The following PASD1 variants were observed in gnomAD, a reference collection of about 807,000 sequenced individuals.
PASD1 encodes the protein circadian clock protein PASD1.
A neutral mutation model predicts 58.8 loss-of-function variants in PASD1; 13 were observed. The ratio of observed to expected loss-of-function variants is 0.22; its 90% CI spans 0.14 to 0.35. The LOEUF is 0.35. Among genes scored for constraint, PASD1 ranks in the 10% least tolerant of loss-of-function variants. The pLI, the probability that PASD1 is intolerant of heterozygous loss-of-function variation, is 1.00. For missense variants in PASD1, 734 were observed against 568.3 expected (o/e 1.29, Z -2.96); for synonymous variants, 236 against 216.7 (o/e 1.09, Z -0.78).
intron 4 of PASD1, among the ~76,000 whole-genome samples, chrX:151,619,901 T>C (rs977654461): frequency 2.7e-5 from 3 of 111,649 alleles, no homozygotes; most frequent in African/African-American, 9.8e-5. Flanking sequence ...AGGTTATGCA[T>C]GTTTCGAATT....
chrX:151,573,639 G>C (rs1277030892), intron 1 of PASD1, among the ~76,000 whole-genome samples: 1 of 112,602 alleles, frequency 8.9e-6, no homozygotes, highest in Non-Finnish European at 1.9e-5. Flanking sequence ...AGATGCTTTG[G>C]GGGAAGTGCT....
At chrX:151,573,229 C>T (rs1375455128) in intron 1 of PASD1, among the ~76,000 whole-genome samples, 1 of 110,126 alleles carries the variant, frequency 9.1e-6, no homozygotes, top group East Asian at 2.9e-4. Context: ...CCAGTCACCT[C>T]CTACCAGGCC....
chrX:151,623,436 T>C (rs2013743761), intron 7 of PASD1, among the ~76,000 whole-genome samples: 1 of 111,871 alleles, frequency 8.9e-6, no homozygotes, highest in African/African-American at 3.3e-5. Flanking sequence ...CACAACCCCA[T>C]TGGGTAGCTG....
intron 8 of PASD1, among the ~76,000 whole-genome samples, chrX:151,634,986 G>A (rs987558185): frequency 5.4e-5 from 6 of 111,548 alleles, no homozygotes; most frequent in Non-Finnish European, 1.1e-4. Flanking sequence ...TTTATTGGTT[G>A]GCATTTTGGT....
rs1167547160 is a variant in PASD1, at chrX:151,635,553, A to G, written c.629+10023A>G. Reference sequence around the variant, plus strand: ...TTTGCAACACTCTTTTCCAATAGTCACAAAGGCCTGGCCCCACTGTCCTCA... The same window carrying G: ...TTTGCAACACTCTTTTCCAATAGTCGCAAAGGCCTGGCCCCACTGTCCTCA... On this transcript the variant is annotated intron_variant, in intron 8 of 15. Transcript: ENST00000370357. Among the ~76,000 whole-genome samples the G allele has an allele frequency of 5.3e-5, 6 of 112,223 alleles. No homozygotes were observed. In the Admixed American group the frequency reaches 5.7e-4, roughly 11 times the overall value.
chrX:151,657,852 T>A lies in PASD1; in HGVS notation c.718-1861T>A, dbSNP rs772352887. On this transcript the variant is annotated intron_variant, in intron 9 of 15. Transcript: ENST00000370357. ...TTTTTTTGGAGGGTTTTTTTTTTTT[T>A]AAATTCTGCTCTATTTTATGTAGCA... 2.8e-4 allele frequency among the ~76,000 whole-genome samples: 25 copies of A among 90,215 alleles called. No individual in the cohort carries two copies. In the South Asian group the frequency reaches 4.7e-3, roughly 17 times the overall value. 78.3% of individuals were successfully genotyped at this position (90,215 alleles called of 115,157 possible). A position where few individuals can be genotyped will look rare whatever the true frequency, so the allele number is the denominator to read the frequency against.
chrX:151,675,166 G>C (rs996713277), intron 15 of PASD1, among the ~76,000 whole-genome samples: 4 of 112,113 alleles, frequency 3.6e-5, no homozygotes, highest in African/African-American at 1.3e-4. Flanking sequence ...GTTGCCCAGG[G>C]AAGTGGGAAA....
chrX:151,637,457 A>G (rs1350063025), intron 8 of PASD1, among the ~76,000 whole-genome samples: 1 of 111,316 alleles, frequency 9.0e-6, no homozygotes, highest in African/African-American at 3.3e-5. Flanking sequence ...GCTCACTGCA[A>G]CCTGTGCCTC....
At chrX:151,589,796 C>T (rs2013221068) in intron 1 of PASD1, among the ~76,000 whole-genome samples, 1 of 111,927 alleles carries the variant, frequency 8.9e-6, no homozygotes, top group African/African-American at 3.2e-5. Flanking sequence ...TTGTAACAAA[C>T]TTTAAAAATA....
chrX:151,588,114 T>C (rs2013193958), intron 1 of PASD1, among the ~76,000 whole-genome samples: 1 of 111,814 alleles, frequency 8.9e-6, no homozygotes, highest in South Asian at 3.8e-4. Context: ...TGTGCCATAA[T>C]GCATTTTCCC....
intron 1 of PASD1, among the ~76,000 whole-genome samples, chrX:151,569,228 G>A (rs1602897700): frequency 8.9e-6 from 1 of 111,736 alleles, no homozygotes; most frequent in Non-Finnish European, 1.9e-5. Context: ...ATAAATTGTG[G>A]CAGTTTCACT....
At chrX:151,588,161 G>A (rs1367022209) in intron 1 of PASD1, among the ~76,000 whole-genome samples, 1 of 111,744 alleles carries the variant, frequency 8.9e-6, no homozygotes, top group East Asian at 2.8e-4. Context: ...ACCATATTGA[G>A]ATTTGAAAGA....
intron 1 of PASD1, among the ~76,000 whole-genome samples, chrX:151,590,260 A>AT (rs1478401442): frequency 5.3e-5 from 6 of 112,374 alleles, no homozygotes; most frequent in Admixed American, 3.8e-4. Flanking sequence ...AGTACAAGTT[A>AT]TTTATCTGAA....
intron 15 of PASD1, among the ~76,000 whole-genome samples, chrX:151,675,589 G>A (rs2014533881): frequency 8.9e-6 from 1 of 112,177 alleles, no homozygotes; most frequent in South Asian, 3.7e-4. Flanking sequence ...CCCAGTGTGG[G>A]TTGGTACGTC....
At chrX:151,611,927 C>T (rs1367791731) in intron 4 of PASD1, among the ~76,000 whole-genome samples, 174 bp downstream of exon 4, 3 of 107,148 alleles carry the variant, frequency 2.8e-5, no homozygotes, top group Non-Finnish European at 5.8e-5. Context: ...ATTAACTCTT[C>T]ATTTAATATT....
chrX:151,594,131 G>C (rs758166771), intron 1 of PASD1, among the ~76,000 whole-genome samples: 67 of 110,440 alleles, frequency 6.1e-4, no homozygotes, highest in African/African-American at 2.1e-3. Context: ...CCGCCACCAT[G>C]CCTGGCCAAT....
At chrX:151,607,206 A>G in intron 3 of PASD1, among the ~76,000 whole-genome samples, 2 of 112,136 alleles carry the variant, frequency 1.8e-5, no homozygotes, top group South Asian at 7.4e-4. Flanking sequence ...TCACCTTTAT[A>G]TAAATGGAAT....
At chrX:151,603,928 A>G (rs1048164351) in intron 2 of PASD1, among the ~76,000 whole-genome samples, 2 of 112,076 alleles carry the variant, frequency 1.8e-5, no homozygotes, top group Non-Finnish European at 3.8e-5. Flanking sequence ...GAGGAGAAGG[A>G]ACTAATGTTT....
chrX:151,620,499 G>T lies in PASD1; in HGVS notation c.208-431G>T, dbSNP rs881962. The stretch of plus-strand genomic sequence containing the variant: ...GCTGAAAATGAAGGAAGGCTCGGGG[G>T]TCGGAGGTTTGAAGGAGGAAAAAGA... On this transcript the variant is annotated intron_variant, in intron 4 of 15. Transcript: ENST00000370357. Among the ~76,000 whole-genome samples, 1,003 of 110,575 alleles carry T rather than the reference G, an allele frequency of 9.1e-3. 10 individuals are homozygous for T. Among genetic ancestry groups the T allele is most frequent in the African/African-American group, 0.032 (960 of 30,335 alleles).
Sources: allele counts gnomAD v4.1 joint callset (sites outside exome capture counted in the v4.1 genomes callset), GRCh38; gene constraint gnomAD v4.1.1; transcripts MANE v1.5; gene names NCBI Gene and HGNC (gene_info 2026-07-23, HGNC 2026-07-21).